ANKS1B: variants seen among roughly 807,000 people sequenced by gnomAD.
ANKS1B encodes ankyrin repeat and sterile alpha motif domain containing 1B, also known as ankyrin repeat and sterile alpha motif domain-containing protein 1B.
ANKS1B carries 36 observed loss-of-function variants against 148.3 expected under a neutral mutation model. The ratio of observed to expected loss-of-function variants is 0.24; its 90% CI spans 0.19 to 0.32. The LOEUF (loss-of-function observed/expected upper bound fraction) is 0.32, where lower values mean the gene tolerates loss of function less well. ANKS1B is among the 10% of genes least tolerant of loss of function. The probability of loss-of-function intolerance (pLI) is 1.00; values close to 1 mark genes in which losing one functional copy is unlikely to be tolerated. For missense variants in ANKS1B, 1,157 were observed against 1,542.6 expected (o/e 0.75, Z 4.19); for synonymous variants, 542 against 560.8 (o/e 0.97, Z 0.47).
chr12:99,565,110 T>C (rs1187237825), intron 9 of ANKS1B, among the ~76,000 whole-genome samples: 1 of 152,226 alleles, frequency 6.6e-6, no homozygotes, highest in Non-Finnish European at 1.5e-5. Context: ...TTAATCCCTG[T>C]ATTATTTCTA....
At chr12:98,861,035 A>T (rs2099596735) in intron 17 of ANKS1B, among the ~76,000 whole-genome samples, 1 of 152,210 alleles carries the variant, frequency 6.6e-6, no homozygotes, top group African/African-American at 2.4e-5. Flanking sequence ...GATTATTGAC[A>T]GATGCGTGGT....
At chr12:99,810,745 C>A (rs2068252357) in intron 3 of ANKS1B, among the ~76,000 whole-genome samples, 1 of 151,874 alleles carries the variant, frequency 6.6e-6, no homozygotes, top group Admixed American at 6.6e-5. Context: ...TAAGTGAATA[C>A]TATATGTTAT....
rs78707307 is a variant in ANKS1B, at chr12:99,513,052, T to C, written c.1273-8411A>G. ...GCACATGTACCCTGGAACTTAAAAG[T>C]TGAAAGAAAAAAAAAAAACTGTCAC... On this transcript the variant is annotated intron_variant, in intron 9 of 26. Coordinates refer to ENST00000683438, the MANE Select transcript of ANKS1B (RefSeq NM_001352186.2). Among the ~76,000 whole-genome samples the C allele has an allele frequency of 4.8e-3, 722 of 151,126 alleles. 32 individuals are homozygous for C. In the South Asian group the frequency reaches 0.07, roughly 15 times the overall value.
rs58515396 is a variant in ANKS1B, at chr12:99,902,752, C to CTT, written c.135-77365_135-77364dup. Among the ~76,000 whole-genome samples, 356 of 139,704 alleles carry CTT rather than the reference C, an allele frequency of 2.5e-3. 2 individuals carry two copies. Among genetic ancestry groups the CTT allele is most frequent in the African/African-American group, 8.0e-3 (304 of 37,858 alleles). The allele number at this position is 139,704 out of a possible 152,430, so 91.7% of individuals were successfully genotyped here. On this transcript the variant is annotated intron_variant, in intron 1 of 26. Coordinates refer to ENST00000683438, the MANE Select transcript of ANKS1B (RefSeq NM_001352186.2). ...AGATCCTCAAAATAGCTGTTATACA[C>CTT]TTTTTTTTTTTTTTTTGAGACAGAG...
intron 17 of ANKS1B, among the ~76,000 whole-genome samples, chr12:98,917,646 T>A (rs1291955909): frequency 6.6e-6 from 1 of 152,198 alleles, no homozygotes; most frequent in Non-Finnish European, 1.5e-5. Context: ...GGATGAAAAA[T>A]TATTTATCCC....
At chr12:98,799,240 ATCT>A (rs1483987592) in intron 21 of ANKS1B, among the ~76,000 whole-genome samples, 2 of 152,162 alleles carry the variant, frequency 1.3e-5, no homozygotes, top group East Asian at 1.9e-4. Flanking sequence ...AAACTGCAAC[ATCT>A]TCTAAAGATG....
intron 11 of ANKS1B, among the ~76,000 whole-genome samples, chr12:99,417,855 AAAG>A (rs2094958188): frequency 6.6e-6 from 1 of 152,214 alleles, no homozygotes; most frequent in Admixed American, 6.5e-5. Flanking sequence ...TATCACATAC[AAAG>A]AAGTCCAATG....
chr12:98,815,300 C>T (rs1398951650), intron 19 of ANKS1B, among the ~76,000 whole-genome samples: 3 of 152,198 alleles, frequency 2.0e-5, no homozygotes, highest in Non-Finnish European at 4.4e-5. Flanking sequence ...TTTTCCTGTC[C>T]TCATCTGAGC....
intron 17 of ANKS1B, among the ~76,000 whole-genome samples, chr12:99,044,174 C>T (rs1191596990): frequency 6.6e-6 from 1 of 152,162 alleles, no homozygotes; most frequent in Non-Finnish European, 1.5e-5. Context: ...AGCACAGAGG[C>T]AGTTTACCAT....
At chr12:98,748,909 A>G (rs1244385290) in intron 26 of ANKS1B, among the ~76,000 whole-genome samples, 1 of 152,192 alleles carries the variant, frequency 6.6e-6, no homozygotes, top group Admixed American at 6.5e-5. Context: ...AATGAATACA[A>G]TAGTCTAAGA....
intron 12 of ANKS1B, among the ~76,000 whole-genome samples, chr12:99,326,914 A>T (rs1329989251): frequency 6.8e-6 from 1 of 148,062 alleles, no homozygotes; most frequent in Non-Finnish European, 1.5e-5. Flanking sequence ...CAGATGAAAC[A>T]TATATAAAAT....
At chr12:99,546,997 G>A (rs2097177936) in intron 9 of ANKS1B, among the ~76,000 whole-genome samples, 2 of 152,224 alleles carry the variant, frequency 1.3e-5, no homozygotes, top group South Asian at 4.1e-4. Flanking sequence ...GTCTGGATTA[G>A]GCTGAGATCC....
chr12:98,855,771 A>C (rs536521428), intron 17 of ANKS1B, among the ~76,000 whole-genome samples: 3 of 152,316 alleles, frequency 2.0e-5, no homozygotes, highest in South Asian at 2.1e-4. Flanking sequence ...TTAAAAAAAC[A>C]AGGTCTTCAA....
At chr12:99,378,242 A>T (rs762688601) in intron 12 of ANKS1B, among the ~76,000 whole-genome samples, 5 of 152,194 alleles carry the variant, frequency 3.3e-5, no homozygotes, top group Non-Finnish European at 5.9e-5. Flanking sequence ...CACAAAATAG[A>T]GAATGGATTA....
intron 1 of ANKS1B, among the ~76,000 whole-genome samples, chr12:99,830,959 ACTCT>A (rs972591399): frequency 1.3e-5 from 2 of 151,584 alleles, no homozygotes; most frequent in African/African-American, 4.8e-5. Context: ...CTCTTCGGAA[ACTCT>A]CTCCCTAATT....
intron 10 of ANKS1B, among the ~76,000 whole-genome samples, chr12:99,488,623 T>C (rs1349826211): frequency 6.6e-6 from 1 of 152,224 alleles, no homozygotes; most frequent in Non-Finnish European, 1.5e-5. Flanking sequence ...GCAGACTTTC[T>C]GGCCCTAGCT....
chr12:99,672,579 C>A (rs1407085985), intron 8 of ANKS1B, among the ~76,000 whole-genome samples: 1 of 152,074 alleles, frequency 6.6e-6, no homozygotes, highest in Non-Finnish European at 1.5e-5. Flanking sequence ...AAACTGAGAA[C>A]AATTCTGAAA....
At chr12:99,220,608 G>A (rs1049081009) in intron 14 of ANKS1B, among the ~76,000 whole-genome samples, 38 of 151,404 alleles carry the variant, frequency 2.5e-4, no homozygotes, top group African/African-American at 8.5e-4. Flanking sequence ...CACCACCCCC[G>A]GCTAATTTTT....
chr12:99,825,538 C>T (rs1456517132), intron 1 of ANKS1B, 149 bp from the exon 2 acceptor site: 5 of 595,698 alleles, frequency 8.4e-6, no homozygotes, highest in African/African-American at 3.7e-5. Context: ...CTATGAATTC[C>T]CCTCAGAACA....
Sources: allele counts gnomAD v4.1 joint callset (sites outside exome capture counted in the v4.1 genomes callset), GRCh38; gene constraint gnomAD v4.1.1; transcripts MANE v1.5; gene names NCBI Gene and HGNC (gene_info 2026-07-23, HGNC 2026-07-21).